SMIM22: variants seen among roughly 807,000 people sequenced by gnomAD.
SMIM22 encodes small integral membrane protein 22.
Under a neutral mutation model 8.4 loss-of-function variants are expected in SMIM22, and 16 were observed. The ratio of observed to expected loss-of-function variants is 1.90; its 90% CI spans 1.29 to 2.89. The LOEUF (loss-of-function observed/expected upper bound fraction) is 2.89. Among genes scored for constraint, SMIM22 ranks in the 30% most tolerant of loss-of-function variants. The pLI, the probability that SMIM22 is intolerant of heterozygous loss-of-function variation, is 0.00. For synonymous variants in SMIM22, 67 were observed against 47.6 expected, an observed-to-expected ratio of 1.41 and a Z score of -1.68; for missense variants, 159 against 107.5, an observed-to-expected ratio of 1.48 and a Z score of -2.12.
chr16:4,794,912 T>G (rs535713095), upstream of SMIM22: 1 of 152,434 alleles, frequency 6.6e-6, no homozygotes, highest in East Asian at 1.9e-4. Flanking sequence ...ATAGAGTATA[T>G]GCACAGGTTA....
In SMIM22 at chr16:4,795,761, G is replaced by A. The variant is rs529767126; in HGVS notation, c.27G>A (p.Glu9=). Residue 9 remains glutamate (E), a synonymous_variant, in exon 2 of 4, where the codon GAG becomes GAA. Coordinates refer to ENST00000586005, the MANE Select transcript of SMIM22 (RefSeq NM_001253794.2). The part of the protein sequence containing the change: MAVSTEEL[E]ATVQEVLGRL... The stretch of plus-strand genomic sequence containing the variant: ...TGGCTGTGTCCACAGAGGAGCTGGA[G>A]GCCACGGTTCAGGAAGTCCTGGGGA... 3 of 1,535,938 alleles carry A rather than the reference G, an allele frequency of 2.0e-6. No individual in the cohort carries two copies. The highest frequency in any genetic ancestry group is 2.4e-5 in the South Asian group (2 of 84,060).
chr16:4,796,319 G>T lies in SMIM22; in HGVS notation c.*88G>T. ...AGTGTCTTCCAGTCCCCGTCTGGGT[G>T]GGTGACGCGGGACTCGCCGCCCCAC... On this transcript the variant is annotated 3_prime_UTR_variant, in exon 4 of 4. Coordinates refer to ENST00000586005, the MANE Select transcript of SMIM22 (RefSeq NM_001253794.2). The T allele has an allele frequency of 6.8e-7, 1 of 1,468,314 alleles. No homozygotes were observed. Among genetic ancestry groups the T allele is most frequent in the South Asian group, 1.3e-5 (1 of 77,404 alleles). 91.0% of individuals were successfully genotyped at this position (1,468,314 alleles called of 1,614,324 possible). A position where few individuals can be genotyped will look rare whatever the true frequency, so the allele number is the denominator to read the frequency against.
chr16:4,796,111 G>C (rs765001506), intron 3 of SMIM22, 63 bp downstream of exon 3: 164 of 1,533,074 alleles, frequency 1.1e-4, no homozygotes, highest in Non-Finnish European at 1.4e-4. Context: ...CGGAAGGTGA[G>C]GGGAGTGGCG....
chr16:4,791,822 G>C (rs1267263634), upstream of SMIM22, among the ~76,000 whole-genome samples: 4 of 151,984 alleles, frequency 2.6e-5, no homozygotes, highest in Non-Finnish European at 5.9e-5. Context: ...CGAGTAGCTG[G>C]GATTACTGGC....
In SMIM22 at chr16:4,796,046, A is replaced by T. The variant is rs1443789845; in HGVS notation, c.223A>T (p.Lys75Ter). 6.5e-6 allele frequency: 10 copies of T among 1,530,692 alleles called. No homozygotes were observed. The highest frequency in any genetic ancestry group is 8.7e-6 in the Non-Finnish European group (10 of 1,143,320). 94.8% of individuals were successfully genotyped at this position (1,530,692 alleles called of 1,614,324 possible). A position where few individuals can be genotyped will look rare whatever the true frequency, so the allele number is the denominator to read the frequency against. ...AAGCCCCAGGAAGGTGAGCCCCTGG[A>T]AGGTGAGCCCTGCCGGCCTCTGGGA... ...RESPRKVSPW[K>*]ERPKGVDNLA... The change falls in exon 3 of 4, where the codon AAG becomes TAG. Residue 75 changes from lysine (K) to a stop codon, truncating the protein, a stop_gained and splice_region_variant. Transcript: ENST00000586005. LOFTEE classifies it high-confidence loss of function.
intron 2 of SMIM22, chr16:4,790,065 G>T (rs1484703099): frequency 6.6e-6 from 1 of 151,856 alleles, no homozygotes; most frequent in Non-Finnish European, 1.5e-5. Flanking sequence ...CAGGTACGTA[G>T]ACCATGCTGG....
In SMIM22 at chr16:4,795,818, A is replaced by G. The variant is rs1452062875; in HGVS notation, c.84A>G (p.Thr28=). The G allele has an allele frequency of 3.9e-6, 6 of 1,535,820 alleles. No individual in the cohort carries two copies. The highest frequency in any genetic ancestry group is 4.4e-6 in the Non-Finnish European group (5 of 1,146,796). Residue 28 remains threonine, a synonymous_variant, in exon 2 of 4, where the codon ACA becomes ACG. Coordinates refer to ENST00000586005, the MANE Select transcript of SMIM22 (RefSeq NM_001253794.2). The part of the protein sequence containing the change: ...RLKSHQFFQS[T]WDTVAFIVFL... Reference sequence around the variant, plus strand: ...AGAGCCACCAGTTTTTCCAGTCCACATGGGACACTGTTGCCTTCATTGTTT... The same window carrying G: ...AGAGCCACCAGTTTTTCCAGTCCACGTGGGACACTGTTGCCTTCATTGTTT...
chr16:4,789,561 C>T (rs951271862), intron 2 of SMIM22, among the ~76,000 whole-genome samples: 9 of 152,210 alleles, frequency 5.9e-5, no homozygotes, highest in East Asian at 1.9e-4. Flanking sequence ...CTCCTGATCT[C>T]GTGATCTGCC....
upstream of SMIM22, among the ~76,000 whole-genome samples, chr16:4,793,994 G>A (rs964059614): frequency 3.3e-5 from 5 of 152,184 alleles, no homozygotes; most frequent in Non-Finnish European, 4.4e-5. Flanking sequence ...GGTGTGCGGT[G>A]ACATGATCTT....
upstream of SMIM22, among the ~76,000 whole-genome samples, chr16:4,792,807 CAAA>C (rs1247341963): frequency 4.2e-5 from 2 of 47,064 alleles, no homozygotes; most frequent in African/African-American, 1.6e-4. Flanking sequence ...GACTCCGTCT[CAAA>C]AAAAAAAAAA....
chr16:4,792,394 G>T (rs1054056365), upstream of SMIM22, among the ~76,000 whole-genome samples: 2 of 150,886 alleles, frequency 1.3e-5, no homozygotes, highest in Non-Finnish European at 3.0e-5. Flanking sequence ...GTTTCACCGT[G>T]TTAGCCAGGA....
intron 2 of SMIM22, chr16:4,789,846 C>T (rs539220348): frequency 6.6e-6 from 1 of 152,254 alleles, no homozygotes; most frequent in Admixed American, 6.5e-5. Flanking sequence ...CTTAGGCATT[C>T]CTGTGTCCTT....
In SMIM22 at chr16:4,795,379, G is replaced by C. The variant is rs2082617507; in HGVS notation, c.-91G>C. 1 of 260,944 alleles carries C rather than the reference G, an allele frequency of 3.8e-6. No homozygotes were observed. The highest frequency in any genetic ancestry group is 7.4e-6 in the Non-Finnish European group (1 of 134,778). The allele number at this position is 260,944 out of a possible 1,614,324, so 16.2% of individuals were successfully genotyped here. On this transcript the variant is annotated 5_prime_UTR_variant, in exon 1 of 4. Coordinates refer to ENST00000586005, the MANE Select transcript of SMIM22 (RefSeq NM_001253794.2). ...GGTTGCCAAGGCCTCAGGTGGTGTGGAGCCGGAAGCAGGAAGCAGCCTGTG... is the reference window on the plus strand; with the variant it reads ...GGTTGCCAAGGCCTCAGGTGGTGTGCAGCCGGAAGCAGGAAGCAGCCTGTG...
intron 1 of SMIM22, chr16:4,788,721 C>T (rs1205032367): frequency 2.6e-5 from 4 of 152,208 alleles, no homozygotes; most frequent in Admixed American, 6.5e-5. Context: ...CACATGGCAT[C>T]GTTCTAGGAG....
chr16:4,796,106 G>A (rs2082640116), intron 3 of SMIM22, 58 bp downstream of exon 3: 6 of 1,536,066 alleles, frequency 3.9e-6, no homozygotes, highest in Non-Finnish European at 5.2e-6. Context: ...GGAGGCGGAA[G>A]GTGAGGGGAG....
chr16:4,796,329 G>A lies in SMIM22; in HGVS notation c.*98G>A, dbSNP rs1234098382. 2.8e-6 allele frequency: 4 copies of A among 1,422,374 alleles called. No individual in the cohort carries two copies. Among genetic ancestry groups the A allele is most frequent in the African/African-American group, 1.4e-5 (1 of 70,816 alleles). 88.1% of individuals were successfully genotyped at this position (1,422,374 alleles called of 1,614,324 possible). Reference sequence around the variant, plus strand: ...AGTCCCCGTCTGGGTGGGTGACGCGGGACTCGCCGCCCCACTCAGGTGGCC... The same window carrying A: ...AGTCCCCGTCTGGGTGGGTGACGCGAGACTCGCCGCCCCACTCAGGTGGCC... On this transcript the variant is annotated 3_prime_UTR_variant, in exon 4 of 4. Coordinates refer to ENST00000586005, the MANE Select transcript of SMIM22 (RefSeq NM_001253794.2).
At chr16:4,789,160 G>T (rs138883091) in intron 2 of SMIM22, among the ~76,000 whole-genome samples, 127 of 151,424 alleles carry the variant, frequency 8.4e-4, no homozygotes, top group African/African-American at 2.9e-3. Context: ...CTGGATTACC[G>T]GTGTGCACCA....
At chr16:4,791,443 G>A (rs540942163), upstream of SMIM22, among the ~76,000 whole-genome samples, 1 of 152,108 alleles carries the variant, frequency 6.6e-6, no homozygotes. Flanking sequence ...CTCTGACATC[G>A]ATGATCAGTT....
upstream of SMIM22, among the ~76,000 whole-genome samples, chr16:4,792,541 C>A (rs1375705135): frequency 1.3e-5 from 2 of 149,554 alleles, no homozygotes; most frequent in Non-Finnish European, 3.0e-5. Context: ...GTGGATCATG[C>A]CTGTAATCCC....
Sources: gnomAD v4.1 joint callset for allele counts (sites outside exome capture counted in the v4.1 genomes callset) on GRCh38, gnomAD v4.1.1 for gene constraint, MANE v1.5 for transcripts, NCBI Gene and HGNC (gene_info 2026-07-23, HGNC 2026-07-21) for gene names.